The following GRID2 variants were observed in gnomAD, a reference collection of about 807,000 sequenced individuals.
GRID2 encodes the protein glutamate ionotropic receptor delta type subunit 2, also known as glutamate receptor ionotropic, delta-2.
In GRID2, 33 loss-of-function variants were observed where a neutral mutation model predicts 114.8. The observed-to-expected ratio is 0.29, with a 90% CI of 0.22 to 0.38. GRID2 has a LOEUF of 0.38. Among genes scored for constraint, GRID2 ranks in the 10% least tolerant of loss-of-function variants. The probability of loss-of-function intolerance (pLI) is 1.00; values close to 1 mark genes in which losing one functional copy is unlikely to be tolerated. For synonymous variants in GRID2, 505 were observed against 449.9 expected (o/e 1.12, Z -1.55); for missense variants, 1,184 against 1,257.7 (o/e 0.94, Z 0.89).
In GRID2 at chr4:92,737,771, T is replaced by A. The variant is rs534688689; in HGVS notation, c.244+147485T>A. 4.6e-5 allele frequency among the ~76,000 whole-genome samples: 7 copies of A among 152,280 alleles called. No homozygotes were observed. In the East Asian group the frequency reaches 1.4e-3, roughly 29 times the overall value. On this transcript the variant is annotated intron_variant, in intron 2 of 15. Transcript: ENST00000282020. ...GGGTATTCTCAATATTTTGTTTATG[T>A]AAAATTCAGAGAAATGAGTATTTTT...
intron 9 of GRID2, among the ~76,000 whole-genome samples, chr4:93,415,315 T>G (rs1210795657): frequency 1.3e-5 from 2 of 152,122 alleles, no homozygotes; most frequent in Admixed American, 1.3e-4. Flanking sequence ...AACAAATATT[T>G]AGAGAATATA....
chr4:92,556,322 A>C (rs956175211), intron 1 of GRID2, among the ~76,000 whole-genome samples: 7 of 152,180 alleles, frequency 4.6e-5, no homozygotes, highest in African/African-American at 1.7e-4. Flanking sequence ...CTTAATTAAA[A>C]ATTTGAAATC....
At chr4:92,730,355 G>A (rs965628996) in intron 2 of GRID2, among the ~76,000 whole-genome samples, 1 of 151,602 alleles carries the variant, frequency 6.6e-6, no homozygotes, top group Admixed American at 6.6e-5. Flanking sequence ...AAGTTGTTTT[G>A]ACACCCACCC....
chr4:92,972,502 A>G (rs535306457), intron 2 of GRID2, among the ~76,000 whole-genome samples: 14 of 152,282 alleles, frequency 9.2e-5, no homozygotes, highest in African/African-American at 3.1e-4. Context: ...TCAGTAAAAT[A>G]TATGTCTGTA....
intron 2 of GRID2, among the ~76,000 whole-genome samples, chr4:92,664,111 C>A (rs183617802): frequency 1.3e-5 from 2 of 150,976 alleles, no homozygotes; most frequent in African/African-American, 4.8e-5. Context: ...GAGAGACTAT[C>A]GATTTGAGAT....
intron 2 of GRID2, among the ~76,000 whole-genome samples, chr4:92,821,422 TC>T (rs1281145968): frequency 1.3e-5 from 2 of 152,282 alleles, no homozygotes; most frequent in South Asian, 4.1e-4. Flanking sequence ...AATCATGGAT[TC>T]TATGTAAGAA....
chr4:93,098,574 A>G (rs2149337462), intron 3 of GRID2, among the ~76,000 whole-genome samples: 1 of 152,086 alleles, frequency 6.6e-6, no homozygotes, highest in Non-Finnish European at 1.5e-5. Context: ...CTCTTTTGAG[A>G]GTACTGATGA....
At chr4:93,234,179 A>C (rs1210465170) in intron 7 of GRID2, among the ~76,000 whole-genome samples, 1 of 152,034 alleles carries the variant, frequency 6.6e-6, no homozygotes, top group Admixed American at 6.6e-5. Context: ...GGATTTAAAA[A>C]CTGTCATCCA....
chr4:92,779,461 AAAAG>A (rs1738967981), intron 2 of GRID2, among the ~76,000 whole-genome samples: 1 of 152,110 alleles, frequency 6.6e-6, no homozygotes, highest in Non-Finnish European at 1.5e-5. Flanking sequence ...CAATTTAACT[AAAAG>A]AGCTTAAAGA....
chr4:93,213,357 A>T (rs1232836568), intron 5 of GRID2, among the ~76,000 whole-genome samples: 2 of 152,150 alleles, frequency 1.3e-5, no homozygotes, highest in Non-Finnish European at 2.9e-5. Flanking sequence ...AGAAACAAAC[A>T]CCACATAGTA....
intron 10 of GRID2, 72 bp from the exon 11 acceptor site, chr4:93,455,586 CGAGG>C: frequency 1.1e-6 from 1 of 945,622 alleles, no homozygotes; most frequent in South Asian, 1.6e-5. Context: ...TTTTTTTCCT[CGAGG>C]CAAGCTGAAG....
intron 2 of GRID2, among the ~76,000 whole-genome samples, chr4:92,878,868 G>T (rs1372052566): frequency 6.6e-6 from 1 of 152,072 alleles, no homozygotes; most frequent in Non-Finnish European, 1.5e-5. Context: ...TTCAAATGAG[G>T]ATGAAATCAT....
rs1247155332 is a variant in GRID2 at position 92,670,307 on chromosome 4, A to G, written c.244+80021A>G. Reference sequence around the variant, plus strand: ...TCATTAGGTAGCATTTAGCAAACTGATCATTAAAGCAGCAAATTTGGACCA... The same window carrying G: ...TCATTAGGTAGCATTTAGCAAACTGGTCATTAAAGCAGCAAATTTGGACCA... On this transcript the variant is annotated intron_variant, in intron 2 of 15. Coordinates refer to ENST00000282020, the MANE Select transcript of GRID2 (RefSeq NM_001510.4). Among the ~76,000 whole-genome samples, 7 of 152,160 alleles carry G rather than the reference A, an allele frequency of 4.6e-5. 1 individual carries two copies. In the South Asian group the frequency reaches 1.4e-3, roughly 31 times the overall value.
At chr4:92,728,156 A>G (rs1048183379) in intron 2 of GRID2, among the ~76,000 whole-genome samples, 1 of 152,028 alleles carries the variant, frequency 6.6e-6, no homozygotes, top group African/African-American at 2.4e-5. Flanking sequence ...GAGTCATTGA[A>G]TATTTTGCTT....
chr4:92,647,057 C>T (rs554872101), intron 2 of GRID2, among the ~76,000 whole-genome samples: 6 of 152,318 alleles, frequency 3.9e-5, no homozygotes, highest in South Asian at 2.1e-4. Context: ...GTACAATGAT[C>T]GGTTAGAGTG....
At chr4:93,219,118 T>A (rs1430379772) in intron 6 of GRID2, among the ~76,000 whole-genome samples, 2 of 152,090 alleles carry the variant, frequency 1.3e-5, no homozygotes, top group Non-Finnish European at 2.9e-5. Flanking sequence ...GTCATGGATA[T>A]AATTGATGTG....
chr4:93,289,771 G>T (rs17020331), intron 8 of GRID2, among the ~76,000 whole-genome samples: 1 of 151,968 alleles, frequency 6.6e-6, no homozygotes, highest in Non-Finnish European at 1.5e-5. Flanking sequence ...TGGTATGTCC[G>T]CTTCTTGTTC....
intron 4 of GRID2, among the ~76,000 whole-genome samples, chr4:93,144,679 C>T (rs969564920): frequency 1.3e-5 from 2 of 152,120 alleles, no homozygotes; most frequent in African/African-American, 4.8e-5. Flanking sequence ...GGATAATCAC[C>T]AAATCAGGTC....
chr4:93,364,422 T>G (rs1762150130), intron 8 of GRID2, among the ~76,000 whole-genome samples: 1 of 152,156 alleles, frequency 6.6e-6, no homozygotes, highest in African/African-American at 2.4e-5. Context: ...CTTTGAGTAT[T>G]GAATCTATTT....
Sources: gnomAD v4.1 joint callset for allele counts (sites outside exome capture counted in the v4.1 genomes callset) on GRCh38, gnomAD v4.1.1 for gene constraint, MANE v1.5 for transcripts, NCBI Gene and HGNC (gene_info 2026-07-23, HGNC 2026-07-21) for gene names.